Variants in RNF170 observed in about 807,000 individuals in gnomAD.
The protein encoded by RNF170 is ring finger protein 170, also known as E3 ubiquitin-protein ligase RNF170.
A neutral mutation model predicts 32.7 loss-of-function variants in RNF170; 12 were observed. The ratio of observed to expected loss-of-function variants is 0.37; its 90% CI spans 0.24 to 0.60. RNF170 has a LOEUF of 0.60. Among genes scored for constraint, RNF170 ranks in the 20% least tolerant of loss-of-function variants. RNF170 has a pLI of 0.72. For synonymous variants in RNF170, 91 were observed against 103.6 expected (o/e 0.88, Z 0.74); for missense variants, 212 against 311.2 (o/e 0.68, Z 2.40).
chr8:42,854,162 G>C lies in RNF170; in HGVS notation c.*1997C>G. Reference sequence around the variant, plus strand: ...TATTTGATTTGGAAGTGTAGAATTCGGATTCATGTCATCTCCACAGACCTT... The same window carrying C: ...TATTTGATTTGGAAGTGTAGAATTCCGATTCATGTCATCTCCACAGACCTT... On this transcript the variant is annotated 3_prime_UTR_variant, in exon 7 of 7. Transcript: ENST00000527424. The C allele has an allele frequency of 7.8e-7, 1 of 1,287,170 alleles. No individual in the cohort carries two copies. Among genetic ancestry groups the C allele is most frequent in the Non-Finnish European group, 1.0e-6 (1 of 988,702 alleles). 79.7% of individuals were successfully genotyped at this position (1,287,170 alleles called of 1,614,324 possible).
chr8:42,885,554 C>T (rs1805747410), intron 2 of RNF170, among the ~76,000 whole-genome samples: 1 of 152,180 alleles, frequency 6.6e-6, no homozygotes, highest in African/African-American at 2.4e-5. Context: ...TTGCTCCACA[C>T]CCTTGCCAAT....
In RNF170 at chr8:42,891,066, G is replaced by A. The variant is rs567524578; in HGVS notation, c.-7-3195C>T. ...CCAACTTTTGTTGTTCACAGTCAGT[G>A]ATTATCCAGAACTAAACAGTGCTGC... On this transcript the variant is annotated intron_variant, in intron 1 of 6. Transcript: ENST00000527424. Among the ~76,000 whole-genome samples the A allele has an allele frequency of 2.0e-5, 3 of 152,280 alleles. No individual in the cohort carries two copies. In the South Asian group the frequency reaches 6.2e-4, roughly 32 times the overall value.
At chr8:42,881,405 C>T (rs1414214503) in intron 2 of RNF170, 2 of 152,172 alleles carry the variant, frequency 1.3e-5, no homozygotes, top group African/African-American at 2.4e-5. Flanking sequence ...ATCAGGTTGC[C>T]TAAGGAGGAG....
chr8:42,879,552 G>A (rs1222528646), intron 2 of RNF170, among the ~76,000 whole-genome samples: 1 of 152,138 alleles, frequency 6.6e-6, no homozygotes, highest in Non-Finnish European at 1.5e-5. Context: ...TTGGGAGGCT[G>A]AGGCAGGAGA....
intron 2 of RNF170, among the ~76,000 whole-genome samples, chr8:42,884,765 G>T (rs1184021386): frequency 6.8e-6 from 1 of 147,554 alleles, no homozygotes; most frequent in Non-Finnish European, 1.5e-5. Context: ...GCAGTGGTGC[G>T]ATCTCAGCTC....
chr8:42,851,219 G>C (rs567796068), downstream of RNF170, among the ~76,000 whole-genome samples: 4 of 152,174 alleles, frequency 2.6e-5, no homozygotes, highest in African/African-American at 9.6e-5. Context: ...GATAGGATTC[G>C]ACATGTCAAT....
chr8:42,850,932 G>A, downstream of RNF170: 1 of 1,551,678 alleles, frequency 6.4e-7, no homozygotes, highest in Non-Finnish European at 8.7e-7. Flanking sequence ...AGTTCTGTGT[G>A]TCCAGGCATG....
intron 1 of RNF170, among the ~76,000 whole-genome samples, chr8:42,892,811 A>C (rs1806419469): frequency 6.6e-6 from 1 of 151,900 alleles, no homozygotes; most frequent in Non-Finnish European, 1.5e-5. Context: ...ACATGGTGAA[A>C]CGCCATCTTT....
At position 42,854,311 on chromosome 8, in the gene RNF170, C is replaced by T. The variant is rs1177058108; in HGVS notation, c.*1848G>A. 6 of 1,287,094 alleles carry T rather than the reference C, an allele frequency of 4.7e-6. No homozygotes were observed. Among genetic ancestry groups the T allele is most frequent in the Non-Finnish European group, 6.1e-6 (6 of 988,686 alleles). 79.7% of individuals were successfully genotyped at this position (1,287,094 alleles called of 1,614,324 possible). On this transcript the variant is annotated 3_prime_UTR_variant, in exon 7 of 7. Transcript: ENST00000527424. ...CAACTTTCACGTCTATCTAAACATT[C>T]TATGCAGGAGTCCTACTAAGAAATT...
intron 2 of RNF170, among the ~76,000 whole-genome samples, chr8:42,876,140 A>T (rs2128940073): frequency 6.6e-6 from 1 of 152,060 alleles, no homozygotes; most frequent in Admixed American, 6.5e-5. Flanking sequence ...GAACCACGTG[A>T]CTGGAAAGCC....
intron 5 of RNF170, among the ~76,000 whole-genome samples, chr8:42,862,859 C>CCAG (rs758304934): frequency 6.6e-6 from 1 of 152,206 alleles, no homozygotes; most frequent in Non-Finnish European, 1.5e-5. Flanking sequence ...AAAGCCTGCT[C>CCAG]CAGGGTGACT....
At chr8:42,878,239 T>C (rs544115248) in intron 2 of RNF170, among the ~76,000 whole-genome samples, 4 of 152,322 alleles carry the variant, frequency 2.6e-5, no homozygotes, top group South Asian at 2.1e-4. Context: ...AAGACTTGCA[T>C]GTCTCTCACT....
At chr8:42,886,491 T>C (rs1015315331) in intron 2 of RNF170, among the ~76,000 whole-genome samples, 3 of 152,122 alleles carry the variant, frequency 2.0e-5, no homozygotes, top group African/African-American at 7.2e-5. Context: ...TAAGAGACTA[T>C]CTTGGATCAC....
chr8:42,881,132 T>C (rs1805365994), intron 2 of RNF170: 1 of 152,206 alleles, frequency 6.6e-6, no homozygotes, highest in Non-Finnish European at 1.5e-5. Flanking sequence ...AATATCAGAA[T>C]ATATATAGAA....
chr8:42,873,849 G>C (rs1176139150), intron 3 of RNF170, 82 bp downstream of exon 3: 2 of 825,584 alleles, frequency 2.4e-6, no homozygotes, highest in Non-Finnish European at 4.2e-6. Context: ...TTTCCAAAAA[G>C]TAATTTAGTA....
At chr8:42,849,829 G>A (rs1321408443), downstream of RNF170, 1 of 152,212 alleles carries the variant, frequency 6.6e-6, no homozygotes. Flanking sequence ...TGACTATGCT[G>A]CACGCATAGT....
rs1401560004 is a variant in RNF170 at position 42,855,717 on chromosome 8, A to G, written c.*442T>C. ...ACTGAATTTTCCCCAATAGTATATA[A>G]TATTTTATTGGAACAAAAATATTTA... On this transcript the variant is annotated 3_prime_UTR_variant, in exon 7 of 7. Coordinates refer to ENST00000527424, the MANE Select transcript of RNF170 (RefSeq NM_030954.4). 1 of 1,265,912 alleles carries G rather than the reference A, an allele frequency of 7.9e-7. No homozygotes were observed. The highest frequency in any genetic ancestry group is 1.3e-5 in the South Asian group (1 of 77,186). 78.4% of individuals were successfully genotyped at this position (1,265,912 alleles called of 1,614,324 possible). A position where few individuals can be genotyped will look rare whatever the true frequency, so the allele number is the denominator to read the frequency against.
At chr8:42,892,308 G>A (rs532548505) in intron 1 of RNF170, among the ~76,000 whole-genome samples, 1 of 152,246 alleles carries the variant, frequency 6.6e-6, no homozygotes, top group Admixed American at 6.5e-5. Context: ...TGTGACTACA[G>A]GTGTGCACCA....
In RNF170 at chr8:42,856,204, G is replaced by A. The variant is rs760118494; in HGVS notation, c.732C>T (p.Ile244=). ...TTATCACTTCTCGATACATAATAGA[G>A]ATGTAGATAAGCAATAAAAAGATGA... ...FFVIFLLLIY[I]SIMYREVITQ... Residue 244 remains isoleucine, a synonymous_variant, in exon 7 of 7, where the codon ATC becomes ATT. Transcript: ENST00000527424. The A allele has an allele frequency of 6.2e-7, 1 of 1,612,020 alleles. No homozygotes were observed. Among genetic ancestry groups the A allele is most frequent in the Non-Finnish European group, 8.5e-7 (1 of 1,178,668 alleles).
Sources: allele counts gnomAD v4.1 joint callset (sites outside exome capture counted in the v4.1 genomes callset), GRCh38; gene constraint gnomAD v4.1.1; transcripts MANE v1.5; gene names NCBI Gene and HGNC (gene_info 2026-07-23, HGNC 2026-07-21).